The following UIMC1 variants were observed in gnomAD, a reference collection of about 807,000 sequenced individuals.
UIMC1 encodes the protein BRCA1-A complex subunit RAP80.
UIMC1 carries 42 observed loss-of-function variants against 84.9 expected under a neutral mutation model. That is an observed-to-expected ratio of 0.49 (90% CI 0.39 to 0.64). The LOEUF (loss-of-function observed/expected upper bound fraction) is 0.64, where lower values mean the gene tolerates loss of function less well. UIMC1 is among the 30% of genes least tolerant of loss of function. The probability of loss-of-function intolerance (pLI) is 0.00; values close to 1 mark genes in which losing one functional copy is unlikely to be tolerated. For missense variants in UIMC1, 825 were observed against 847.6 expected (o/e 0.97, Z 0.33); for synonymous variants, 281 against 293.0 (o/e 0.96, Z 0.42).
At chr5:176,911,204 A>C in intron 11 of UIMC1, 107 bp downstream of exon 11, 4 of 816,718 alleles carry the variant, frequency 4.9e-6, no homozygotes, top group Admixed American at 2.9e-5. Context: ...CAATGAAGCA[A>C]TTGGCAGGCC....
At chr5:176,963,705 T>C (rs1352871378) in intron 6 of UIMC1, among the ~76,000 whole-genome samples, 1 of 152,106 alleles carries the variant, frequency 6.6e-6, no homozygotes, top group East Asian at 1.9e-4. Flanking sequence ...AGACAGTAGA[T>C]ACAGGTCTGA....
At chr5:176,956,862 G>A (rs185646632) in intron 7 of UIMC1, among the ~76,000 whole-genome samples, 1 of 151,932 alleles carries the variant, frequency 6.6e-6, no homozygotes, top group Non-Finnish European at 1.5e-5. Context: ...AAAACCACAA[G>A]TGATTTATCT....
intron 10 of UIMC1, among the ~76,000 whole-genome samples, chr5:176,941,096 C>T (rs547651256): frequency 3.6e-4 from 55 of 152,204 alleles, no homozygotes; most frequent in Non-Finnish European, 6.0e-4. Flanking sequence ...GTGATTATAA[C>T]GCAGTAACTT....
At chr5:176,917,934 G>A (rs530832091) in intron 10 of UIMC1, among the ~76,000 whole-genome samples, 1 of 152,312 alleles carries the variant, frequency 6.6e-6, no homozygotes, top group Non-Finnish European at 1.5e-5. Flanking sequence ...ACTCCAGTCT[G>A]GGCAACAACA....
intron 1 of UIMC1, 46 bp downstream of exon 1, chr5:177,006,604 G>A (rs986134639): frequency 1.3e-5 from 2 of 152,384 alleles, no homozygotes; most frequent in African/African-American, 4.8e-5. Context: ...AAGAAAAGGA[G>A]GCAGGGAGGG....
chr5:176,985,024 T>C (rs1373774108), intron 1 of UIMC1, among the ~76,000 whole-genome samples: 2 of 151,908 alleles, frequency 1.3e-5, no homozygotes, highest in Non-Finnish European at 2.9e-5. Flanking sequence ...GCTGACCTTC[T>C]CTCCACTATT....
At chr5:176,923,256 C>G (rs567610615) in intron 10 of UIMC1, among the ~76,000 whole-genome samples, 2 of 152,210 alleles carry the variant, frequency 1.3e-5, no homozygotes, top group African/African-American at 4.8e-5. Context: ...GGTATGCTGT[C>G]TACAGGAGAC....
rs1272958755 is a variant in UIMC1, at chr5:176,963,168, A to T, written c.1201-5014T>A. 3.4e-3 allele frequency among the ~76,000 whole-genome samples: 101 copies of T among 29,548 alleles called. 30 individuals are homozygous for T. The African/African-American group carries it at 0.047, about 14-fold the overall frequency. The allele number at this position is 29,548 out of a possible 152,430, so 19.4% of individuals were successfully genotyped here. On this transcript the variant is annotated intron_variant, in intron 6 of 14. Coordinates refer to ENST00000511320, the MANE Select transcript of UIMC1 (RefSeq NM_001199298.2). ...ATAAAAAAATAAATTAAAAAAAAAA[A>T]AAAAAAAAAAAAAAAAAAATTCAAA...
Position 176,911,352 on chromosome 5 carries a change from ACT to A in UIMC1, c.1633_1634del (p.Ser545Ter). The A allele has an allele frequency of 6.3e-7, 1 of 1,599,284 alleles. No homozygotes were observed. The highest frequency in any genetic ancestry group is 8.5e-7 in the Non-Finnish European group (1 of 1,171,914). On this transcript the variant is annotated frameshift_variant, in exon 11 of 15. Transcript: ENST00000511320. LOFTEE classifies it high-confidence loss of function. ...AAGTCTGGGCAGCTGTCCCACTGTC[ACT>A]CTTGGTCTTGGCCTCTTTTTGTCTC... ...TRRQKEAKTKSDSGTAAQTSL... is the reference protein window; with the variant it reads ...TRRQKEAKTKXDSGTAAQTSL...
At chr5:176,946,647 T>C (rs1174908609) in intron 9 of UIMC1, among the ~76,000 whole-genome samples, 2 of 152,120 alleles carry the variant, frequency 1.3e-5, no homozygotes, top group Admixed American at 1.3e-4. Flanking sequence ...CCAGCCTGGC[T>C]AATGTGGCAA....
In UIMC1 at chr5:176,986,359, CAAAAAAAAAAAA is replaced by C. The variant is rs71583560; in HGVS notation, c.-8-3748_-8-3737del. Among the ~76,000 whole-genome samples the C allele has an allele frequency of 6.4e-4, 18 of 28,016 alleles. 1 individual carries two copies. Among genetic ancestry groups the C allele is most frequent in the East Asian group, 3.9e-3 (2 of 518 alleles). The allele number at this position is 28,016 out of a possible 152,430, so 18.4% of individuals were successfully genotyped here. A position where few individuals can be genotyped will look rare whatever the true frequency, so the allele number is the denominator to read the frequency against. On this transcript the variant is annotated intron_variant, in intron 1 of 14. Coordinates refer to ENST00000511320, the MANE Select transcript of UIMC1 (RefSeq NM_001199298.2). ...TGGGTGCCAGAGTAAGACTTCATCT[CAAAAAAAAAAAA>C]AAAAAAAAAAAAAAAAGTAAGGCAC...
chr5:176,986,359 CAAAAAAA>C (rs71583560), intron 1 of UIMC1, among the ~76,000 whole-genome samples: 2,179 of 27,920 alleles, frequency 0.078, 73 homozygotes, highest in African/African-American at 0.19. Context: ...GACTTCATCT[CAAAAAAA>C]AAAAAAAAAA....
chr5:176,926,381 T>A (rs573022028), intron 10 of UIMC1, among the ~76,000 whole-genome samples: 1 of 152,230 alleles, frequency 6.6e-6, no homozygotes, highest in East Asian at 1.9e-4. Flanking sequence ...GTGGCTCAAT[T>A]CCAGCACTTG....
In UIMC1 at chr5:176,969,594, G is replaced by A; in HGVS notation, c.463+7C>T. The stretch of plus-strand genomic sequence containing the variant: ...TGAATGGAAGGAGTCAGAACAGGGA[G>A]ACATGCCTTCAGTGAGCCCAGAGTC... On this transcript the variant is annotated splice_region_variant and intron_variant, in intron 5 of 14. Coordinates refer to ENST00000511320, the MANE Select transcript of UIMC1 (RefSeq NM_001199298.2). 1 of 1,613,268 alleles carries A rather than the reference G, an allele frequency of 6.2e-7. No individual in the cohort carries two copies. The highest frequency in any genetic ancestry group is 1.3e-5 in the African/African-American group (1 of 75,036).
intron 10 of UIMC1, among the ~76,000 whole-genome samples, chr5:176,934,796 TG>T (rs1274892082): frequency 3.3e-5 from 5 of 152,180 alleles, no homozygotes; most frequent in Non-Finnish European, 7.3e-5. Flanking sequence ...GACTAACCTA[TG>T]GTCTGAGGGA....
At chr5:176,981,185 C>T (rs1372404668) in intron 2 of UIMC1, among the ~76,000 whole-genome samples, 5 of 146,380 alleles carry the variant, frequency 3.4e-5, no homozygotes, top group Non-Finnish European at 7.5e-5. Context: ...CCCTCTGTCA[C>T]CCAGGCTAGA....
chr5:176,923,408 G>A (rs1384733255), intron 10 of UIMC1, among the ~76,000 whole-genome samples: 1 of 152,084 alleles, frequency 6.6e-6, no homozygotes, highest in Non-Finnish European at 1.5e-5. Flanking sequence ...TAATTAGCTG[G>A]GTGTCGTGGC....
chr5:176,958,865 T>C (rs1445680931), intron 6 of UIMC1, among the ~76,000 whole-genome samples: 1 of 152,250 alleles, frequency 6.6e-6, no homozygotes, highest in Admixed American at 6.5e-5. Context: ...TAAACATACA[T>C]GCACAGAAGA....
At chr5:176,908,218 A>G (rs1256574162) in intron 12 of UIMC1, among the ~76,000 whole-genome samples, 1 of 152,186 alleles carries the variant, frequency 6.6e-6, no homozygotes, top group Non-Finnish European at 1.5e-5. Context: ...AACAATGCAT[A>G]GAAAAAAAGA....
Sources: gnomAD v4.1 joint callset for allele counts (sites outside exome capture counted in the v4.1 genomes callset) on GRCh38, gnomAD v4.1.1 for gene constraint, MANE v1.5 for transcripts, NCBI Gene and HGNC (gene_info 2026-07-23, HGNC 2026-07-21) for gene names.